The following TEX29 variants were observed in gnomAD, a reference collection of about 807,000 sequenced individuals.
TEX29 encodes testis-expressed protein 29.
Under a neutral mutation model 18.2 loss-of-function variants are expected in TEX29, and 26 were observed. That is an observed-to-expected ratio of 1.43 (90% confidence interval 1.04 to 1.98). The LOEUF (loss-of-function observed/expected upper bound fraction) is 1.98, where lower values mean the gene tolerates loss of function less well. Ranked by LOEUF, TEX29 falls within the 30% of genes most tolerant of loss-of-function variation. The pLI, the probability that TEX29 is intolerant of heterozygous loss-of-function variation, is 0.00. For missense variants in TEX29, 177 were observed against 194.2 expected, an observed-to-expected ratio of 0.91 and a Z score of 0.53; for synonymous variants, 83 against 78.5, an observed-to-expected ratio of 1.06 and a Z score of -0.31.
chr13:111,327,009 C>A (rs2093675105), intron 2 of TEX29, among the ~76,000 whole-genome samples: 1 of 152,134 alleles, frequency 6.6e-6, no homozygotes, highest in African/African-American at 2.4e-5. Flanking sequence ...CCAGGCCCCT[C>A]TGAGCCTGGC....
intron 2 of TEX29, among the ~76,000 whole-genome samples, chr13:111,326,347 G>A (rs1251763920): frequency 1.0e-4 from 2 of 19,256 alleles, no homozygotes; most frequent in Non-Finnish European, 2.3e-4. Flanking sequence ...CGCGAGCCTG[G>A]GGCTGGTGGG....
intron 2 of TEX29, among the ~76,000 whole-genome samples, chr13:111,327,881 C>T (rs1042263976): frequency 6.6e-5 from 10 of 152,364 alleles, no homozygotes; most frequent in Middle Eastern, 3.4e-3. Flanking sequence ...GTGAGCCCCG[C>T]GCTTCTGTGG....
chr13:111,319,813 T>C (rs1351438342), upstream of TEX29, among the ~76,000 whole-genome samples: 1 of 152,140 alleles, frequency 6.6e-6, no homozygotes, highest in Non-Finnish European at 1.5e-5. Context: ...ACTCAAACCA[T>C]GAAAAGTAGC....
intron 3 of TEX29, among the ~76,000 whole-genome samples, chr13:111,334,568 TG>T (rs2093687025): frequency 6.6e-6 from 1 of 152,260 alleles, no homozygotes; most frequent in Non-Finnish European, 1.5e-5. Context: ...GACATGTCCA[TG>T]GCCCTCTAGA....
chr13:111,326,347 G>C (rs1251763920), intron 2 of TEX29, among the ~76,000 whole-genome samples: 9 of 19,256 alleles, frequency 4.7e-4, no homozygotes, highest in Non-Finnish European at 9.0e-4. Flanking sequence ...CGCGAGCCTG[G>C]GGCTGGTGGG....
intron 3 of TEX29, among the ~76,000 whole-genome samples, chr13:111,330,268 A>G (rs1886558): frequency 0.54 from 82,477 of 152,100 alleles, 23,309 homozygotes; most frequent in Middle Eastern, 0.71. Flanking sequence ...GTCAAGAAAG[A>G]AAGTGCTGAT....
intron 3 of TEX29, among the ~76,000 whole-genome samples, chr13:111,333,953 A>G (rs981841535): frequency 2.0e-5 from 3 of 152,250 alleles, no homozygotes; most frequent in Non-Finnish European, 2.9e-5. Context: ...GAGCCAAATC[A>G]TATCAATAAA....
chr13:111,335,202 C>G (rs939268071), intron 3 of TEX29, among the ~76,000 whole-genome samples: 5 of 152,208 alleles, frequency 3.3e-5, no homozygotes, highest in Non-Finnish European at 7.3e-5. Context: ...ATGGGCTTTA[C>G]TGAAGCCCTA....
chr13:111,325,351 G>GGT (rs1289254914), intron 2 of TEX29, among the ~76,000 whole-genome samples: 2 of 152,230 alleles, frequency 1.3e-5, no homozygotes, highest in Non-Finnish European at 2.9e-5. Context: ...TGGTGTGGGG[G>GGT]GTGTGGAGGG....
upstream of TEX29, among the ~76,000 whole-genome samples, chr13:111,319,711 T>C (rs2153641029): frequency 6.6e-6 from 1 of 152,306 alleles, no homozygotes; most frequent in Non-Finnish European, 1.5e-5. Context: ...CACCGCAACC[T>C]TGACCTCCCA....
intron 3 of TEX29, among the ~76,000 whole-genome samples, chr13:111,329,574 C>T (rs1425578979): frequency 6.6e-6 from 1 of 151,912 alleles, no homozygotes; most frequent in Non-Finnish European, 1.5e-5. Flanking sequence ...AAGTAGTGAC[C>T]TGCTGGTGGA....
chr13:111,317,509 G>A (rs114905953), upstream of TEX29, among the ~76,000 whole-genome samples: 4,544 of 152,272 alleles, frequency 0.03, 112 homozygotes, highest in African/African-American at 0.065. Context: ...CAGACCTGGC[G>A]TGCTCCTCCG....
rs1277893654 is a variant in TEX29, at chr13:111,328,290, C to T, written c.166C>T (p.Pro56Ser). The change falls in exon 3 of 6, where the codon CCC becomes TCC. Residue 56 changes from proline to serine, a missense_variant. Transcript: ENST00000283547. Reference sequence around the variant, plus strand: ...AGGCGTCTGCTACAAGAAAGCGGTTCCCAGTGAGTAGACGCCCCGGCCACC... The same window carrying T: ...AGGCGTCTGCTACAAGAAAGCGGTTTCCAGTGAGTAGACGCCCCGGCCACC... ...YEGVCYKKAV[P>S]IYIHVFSALI... 11 of 1,612,358 alleles carry T rather than the reference C, an allele frequency of 6.8e-6. No homozygotes were observed. The highest frequency in any genetic ancestry group is 9.3e-6 in the Non-Finnish European group (11 of 1,179,022).
intron 2 of TEX29, among the ~76,000 whole-genome samples, chr13:111,323,061 G>A (rs1204043977): frequency 1.3e-5 from 2 of 152,240 alleles, no homozygotes; most frequent in African/African-American, 4.8e-5. Flanking sequence ...CTCTGTGGCC[G>A]GGTGCAGTGC....
At chr13:111,337,597 AG>A (rs2093691279) in intron 3 of TEX29, among the ~76,000 whole-genome samples, 1 of 151,960 alleles carries the variant, frequency 6.6e-6, no homozygotes, top group Non-Finnish European at 1.5e-5. Context: ...ACATCTATCT[AG>A]GGTGTAAATA....
At chr13:111,318,739 GC>G (rs1431673773), upstream of TEX29, among the ~76,000 whole-genome samples, 3 of 152,226 alleles carry the variant, frequency 2.0e-5, no homozygotes, top group Admixed American at 6.5e-5. Flanking sequence ...CTGCCTGGGA[GC>G]CTGCACGCAA....
At chr13:111,343,238 G>A (rs1044254417) in intron 5 of TEX29, among the ~76,000 whole-genome samples, 1 of 152,158 alleles carries the variant, frequency 6.6e-6, no homozygotes, top group Non-Finnish European at 1.5e-5. Context: ...CCTGGGGAGG[G>A]GGCAAGAGTC....
intron 3 of TEX29, among the ~76,000 whole-genome samples, chr13:111,338,451 G>A (rs150920515): frequency 6.6e-6 from 1 of 152,244 alleles, no homozygotes; most frequent in Non-Finnish European, 1.5e-5. Flanking sequence ...TTGGACTTCT[G>A]GCCTCCAGAA....
In TEX29 at chr13:111,327,861, C is replaced by A. The variant is rs554022934; in HGVS notation, c.59-322C>A. 4.6e-5 allele frequency among the ~76,000 whole-genome samples: 7 copies of A among 152,374 alleles called. No homozygotes were observed. The East Asian group carries it at 5.8e-4, about 13-fold the overall frequency. Reference sequence around the variant, plus strand: ...ACACGTTCCCTCCCGAACTCCCAAGCAGCCATTGTGTGAGCCCCGCGCTTC... The same window carrying A: ...ACACGTTCCCTCCCGAACTCCCAAGAAGCCATTGTGTGAGCCCCGCGCTTC... On this transcript the variant is annotated intron_variant, in intron 2 of 5. Transcript: ENST00000283547.
Sources: gnomAD v4.1 joint callset for allele counts (sites outside exome capture counted in the v4.1 genomes callset) on GRCh38, gnomAD v4.1.1 for gene constraint, MANE v1.5 for transcripts, NCBI Gene and HGNC (gene_info 2026-07-23, HGNC 2026-07-21) for gene names.